Variants in AGAP1 observed in about 807,000 individuals in gnomAD.
AGAP1 encodes ArfGAP with GTPase domain, ankyrin repeat and PH domain 1, also known as arf-GAP with GTPase, ANK repeat and PH domain-containing protein 1.
A neutral mutation model predicts 105.3 loss-of-function variants in AGAP1; 29 were observed. That is an observed-to-expected ratio of 0.28 (90% CI 0.21 to 0.38). The LOEUF (loss-of-function observed/expected upper bound fraction) is 0.38. Ranked by LOEUF, AGAP1 falls within the 10% of genes least tolerant of loss-of-function variation. The pLI, the probability that AGAP1 is intolerant of heterozygous loss-of-function variation, is 1.00. For missense variants in AGAP1, 998 were observed against 1,165.1 expected (o/e 0.86, Z 2.09); for synonymous variants, 509 against 485.9 (o/e 1.05, Z -0.63).
chr2:235,512,499 TGAG>T, intron 1 of AGAP1, among the ~76,000 whole-genome samples: 1 of 152,042 alleles, frequency 6.6e-6, no homozygotes, highest in Non-Finnish European at 1.5e-5. Flanking sequence ...GAGGCTGAGG[TGAG>T]AGGATTGCTT....
At chr2:235,783,103 G>A (rs529056030) in intron 6 of AGAP1, among the ~76,000 whole-genome samples, 72 of 151,864 alleles carry the variant, frequency 4.7e-4, no homozygotes, top group Non-Finnish European at 8.1e-4. Context: ...TTTTCAAAGT[G>A]TTCACCATGA....
rs1491558849 is a variant in AGAP1, at chr2:235,573,026, T to TTCTTC, written c.163+78177_163+78178insTCTTC. ...TTCTTCTTCTTCTTCTTCTTCTTCT[T>TTCTTC]CTTCTTCTTCTTCTTCTTCTTCTTC... On this transcript the variant is annotated intron_variant, in intron 1 of 17. Transcript: ENST00000304032. Among the ~76,000 whole-genome samples, 99 of 18,804 alleles carry TTCTTC rather than the reference T, an allele frequency of 5.3e-3. 15 individuals are homozygous for TTCTTC. The East Asian group carries it at 0.077, about 15-fold the overall frequency. 12.3% of individuals were successfully genotyped at this position (18,804 alleles called of 152,430 possible).
At chr2:235,543,056 C>T (rs998217536) in intron 1 of AGAP1, among the ~76,000 whole-genome samples, 8 of 151,514 alleles carry the variant, frequency 5.3e-5, no homozygotes, top group Non-Finnish European at 5.9e-5. Flanking sequence ...CAGTCATTCC[C>T]TCCCTGGGTA....
chr2:235,929,507 T>C (rs2052616263), intron 11 of AGAP1, among the ~76,000 whole-genome samples: 2 of 151,908 alleles, frequency 1.3e-5, no homozygotes, highest in Non-Finnish European at 2.9e-5. Flanking sequence ...TATCTTTTCT[T>C]TTTTTTTAAG....
intron 8 of AGAP1, among the ~76,000 whole-genome samples, chr2:235,804,078 G>C (rs775802662): frequency 4.4e-4 from 67 of 152,150 alleles, no homozygotes; most frequent in Non-Finnish European, 8.5e-4. Context: ...CGCTGCTACT[G>C]CAAGAAATAA....
Position 235,813,474 on chromosome 2 carries a change from G to A in AGAP1, c.1050+6143G>A, listed in dbSNP as rs146822604. ...CTCTGTGTATCCATTGTCCAGAGCT[G>A]GTGAAACAGGAAAAGTTCCTTTATC... On this transcript the variant is annotated intron_variant, in intron 9 of 17. Coordinates refer to ENST00000304032, the MANE Select transcript of AGAP1 (RefSeq NM_001037131.3). Among the ~76,000 whole-genome samples the A allele has an allele frequency of 3.0e-4, 45 of 152,328 alleles. 1 individual carries two copies. In the South Asian group the frequency reaches 8.7e-3, roughly 29 times the overall value.
At chr2:236,033,386 A>G (rs1474025938) in intron 13 of AGAP1, among the ~76,000 whole-genome samples, 3 of 152,244 alleles carry the variant, frequency 2.0e-5, no homozygotes, top group East Asian at 1.9e-4. Flanking sequence ...GTTTGCATGC[A>G]TAGGTAAAAT....
chr2:235,950,887 C>CTTTTTTTTTTT (rs200110792), intron 12 of AGAP1, among the ~76,000 whole-genome samples: 3 of 118,252 alleles, frequency 2.5e-5, no homozygotes, highest in Non-Finnish European at 5.4e-5. Context: ...TCTCCAAGCA[C>CTTTTTTTTTTT]TTTTTTTTTT....
intron 6 of AGAP1, among the ~76,000 whole-genome samples, chr2:235,796,387 T>G (rs910625618): frequency 6.6e-6 from 1 of 152,196 alleles, no homozygotes; most frequent in Non-Finnish European, 1.5e-5. Context: ...GGTTCTGAGA[T>G]GACAGAGTGC....
chr2:235,916,475 G>A (rs2051890817), intron 11 of AGAP1, among the ~76,000 whole-genome samples: 1 of 152,230 alleles, frequency 6.6e-6, no homozygotes, highest in South Asian at 2.1e-4. Flanking sequence ...ATGCAGAGTT[G>A]TATTAGCTTC....
chr2:235,773,197 C>A lies in AGAP1; in HGVS notation c.673+22709C>A, dbSNP rs1955592139. Among the ~76,000 whole-genome samples the A allele has an allele frequency of 2.0e-5, 3 of 152,152 alleles. No homozygotes were observed. The South Asian group carries it at 6.2e-4, about 32-fold the overall frequency. ...CAGAATTTTCTGGGGTTTAAATATC[C>A]TCTAGAGGTTTCCCATTGGCCATTT... On this transcript the variant is annotated intron_variant, in intron 6 of 17. Transcript: ENST00000304032.
chr2:235,648,131 G>A (rs930563631), intron 1 of AGAP1, among the ~76,000 whole-genome samples: 7 of 151,884 alleles, frequency 4.6e-5, no homozygotes, highest in African/African-American at 1.7e-4. Context: ...GAGACTGACT[G>A]GGGGGTGTCC....
At chr2:236,067,946 A>G (rs2058390001) in intron 16 of AGAP1, among the ~76,000 whole-genome samples, 1 of 152,046 alleles carries the variant, frequency 6.6e-6, no homozygotes, top group African/African-American at 2.4e-5. Context: ...CATGTTGTGT[A>G]TGTTCCTGTA....
rs1329312409 is a variant in AGAP1 at position 235,879,941 on chromosome 2, C to CA, written c.1051-3398dup. Among the ~76,000 whole-genome samples the CA allele has an allele frequency of 2.0e-5, 3 of 151,686 alleles. No individual in the cohort carries two copies. The highest frequency in any genetic ancestry group is 6.6e-5 in the Admixed American group (1 of 15,216). ...GCAACAGAGCGAGACCTTATCTCTA[C>CA]AAAAAACAGAAATAAAAAAATTAGC... On this transcript the variant is annotated intron_variant, in intron 9 of 17. Transcript: ENST00000304032. The surrounding 1 kb of genome is among the most constrained non-coding windows in gnomAD (Gnocchi z 5.0).
intron 10 of AGAP1, among the ~76,000 whole-genome samples, chr2:235,898,380 C>T (rs2050906999): frequency 6.6e-6 from 1 of 151,702 alleles, no homozygotes; most frequent in East Asian, 1.9e-4. Flanking sequence ...GTCTGACTAC[C>T]ATATACATGC....
Position 236,121,771 on chromosome 2 carries a change from G to A in AGAP1, c.2370+1324G>A, listed in dbSNP as rs1049977019. On this transcript the variant is annotated intron_variant, in intron 17 of 17. Transcript: ENST00000304032. The surrounding 1 kb of genome is among the most constrained non-coding windows in gnomAD (Gnocchi z 4.9). ...TGCCATAACAAAATACCACAGACAG[G>A]GGTGCTTCAACAACAGACATTTATT... 1.3e-5 allele frequency among the ~76,000 whole-genome samples: 2 copies of A among 152,146 alleles called. No homozygotes were observed. The highest frequency in any genetic ancestry group is 2.9e-5 in the Non-Finnish European group (2 of 68,026).
intron 1 of AGAP1, among the ~76,000 whole-genome samples, chr2:235,590,590 A>C (rs1378226011): frequency 6.6e-6 from 1 of 151,716 alleles, no homozygotes; most frequent in Non-Finnish European, 1.5e-5. Context: ...TTCGAATTTA[A>C]AGATAACAGA....
intron 1 of AGAP1, among the ~76,000 whole-genome samples, chr2:235,495,957 C>T (rs74521096): frequency 0.094 from 14,249 of 152,266 alleles, 753 homozygotes; most frequent in Middle Eastern, 0.19. Flanking sequence ...GGCCCAAAGC[C>T]GGCAGGAATG....
rs1323633059 is a variant in AGAP1 at position 235,775,482 on chromosome 2, CT to C, written c.674-22276del. Among the ~76,000 whole-genome samples, 6 of 152,290 alleles carry C rather than the reference CT, an allele frequency of 3.9e-5. No individual in the cohort carries two copies. The East Asian group carries it at 5.8e-4, about 15-fold the overall frequency. ...TAAACAACATTTATTTTCCTACCTT[CT>C]GAACCTATTTCTTAAAGACAAAAAA... On this transcript the variant is annotated intron_variant, in intron 6 of 17. Transcript: ENST00000304032.
Sources: gnomAD v4.1 joint callset for allele counts (sites outside exome capture counted in the v4.1 genomes callset) on GRCh38, gnomAD v4.1.1 for gene constraint, Gnocchi (gnomAD v3.1) non-coding constraint, MANE v1.5 for transcripts, NCBI Gene and HGNC (gene_info 2026-07-23, HGNC 2026-07-21) for gene names.